The following USP34 variants were observed in gnomAD, a reference collection of about 807,000 sequenced individuals.
The protein encoded by USP34 is ubiquitin specific peptidase 34, also known as ubiquitin carboxyl-terminal hydrolase 34.
In USP34, 70 loss-of-function variants were observed where a neutral mutation model predicts 460.3. The observed-to-expected ratio is 0.15, with a 90% CI of 0.13 to 0.19. USP34 has a LOEUF of 0.19. USP34 is among the 10% of genes least tolerant of loss of function. USP34 has a pLI of 1.00. For missense variants in USP34, 3,985 were observed against 4,236.2 expected, an observed-to-expected ratio of 0.94 and a Z score of 1.65; for synonymous variants, 1,647 against 1,405.3, an observed-to-expected ratio of 1.17 and a Z score of -3.85.
chr2:61,467,617 G>GTTTTTTTT (rs3980937), intron 1 of USP34, among the ~76,000 whole-genome samples: 15 of 106,024 alleles, frequency 1.4e-4, no homozygotes, highest in East Asian at 6.0e-4. Context: ...CTGTAACTTT[G>GTTTTTTTT]TTTTTTTTTT....
chr2:61,240,559 T>G (rs1474559200), intron 53 of USP34, among the ~76,000 whole-genome samples: 1 of 151,798 alleles, frequency 6.6e-6, no homozygotes, highest in Non-Finnish European at 1.5e-5. Context: ...ATTACAGGCA[T>G]GAGCCACCGC....
chr2:61,214,505 A>C lies in USP34; in HGVS notation c.8237T>G (p.Val2746Gly), dbSNP rs768907860. ...GGGCACTAGCTTTGTAGTGCCATGAACAGCAGCATCAACATAAAGTTTGGC... is the reference window on the plus strand; with the variant it reads ...GGGCACTAGCTTTGTAGTGCCATGACCAGCAGCATCAACATAAAGTTTGGC... ...SRAKLYVDAA[V>G]HGTTKLVPYF... The change falls in exon 68 of 80, where the codon GTT becomes GGT. Residue 2746 changes from valine to glycine, a missense_variant. Coordinates refer to ENST00000398571, the MANE Select transcript of USP34 (RefSeq NM_014709.4). 4.3e-6 allele frequency: 7 copies of C among 1,613,706 alleles called. No individual in the cohort carries two copies. The South Asian group carries it at 7.7e-5, about 18-fold the overall frequency.
chr2:61,406,213 C>T (rs1693865525), intron 2 of USP34, 85 bp from the exon 3 acceptor site: 9 of 1,184,614 alleles, frequency 7.6e-6, no homozygotes, highest in Non-Finnish European at 9.1e-6. Context: ...TAAGCAAATA[C>T]TAAGTTATTT....
chr2:61,445,790 T>C (rs1165469819), intron 1 of USP34, among the ~76,000 whole-genome samples: 1 of 151,782 alleles, frequency 6.6e-6, no homozygotes, highest in African/African-American at 2.4e-5. Flanking sequence ...TTTTTAAAAA[T>C]ACAAAAAATT....
At chr2:61,266,207 T>C (rs368167450) in intron 41 of USP34, 40 bp from the exon 42 acceptor site, 3 of 1,546,974 alleles carry the variant, frequency 1.9e-6, no homozygotes, top group East Asian at 4.5e-5. Context: ...AACTGAGATA[T>C]TAATTACATT....
intron 3 of USP34, among the ~76,000 whole-genome samples, chr2:61,400,960 G>GC (rs1693698915): frequency 6.6e-6 from 1 of 151,914 alleles, no homozygotes; most frequent in Non-Finnish European, 1.5e-5. Flanking sequence ...GACCATCCTG[G>GC]CCAACATGGT....
chr2:61,435,857 C>T (rs1211319680), intron 1 of USP34, among the ~76,000 whole-genome samples: 1 of 151,964 alleles, frequency 6.6e-6, no homozygotes, highest in Non-Finnish European at 1.5e-5. Context: ...AGTAAAACCT[C>T]ATCTCTACTA....
chr2:61,364,413 G>A (rs1319264427), intron 10 of USP34, among the ~76,000 whole-genome samples: 1 of 152,150 alleles, frequency 6.6e-6, no homozygotes, highest in Non-Finnish European at 1.5e-5. Flanking sequence ...AAGGACGAAG[G>A]AAATTAAGAG....
chr2:61,375,409 A>G (rs1347075906), intron 8 of USP34, among the ~76,000 whole-genome samples: 1 of 152,202 alleles, frequency 6.6e-6, no homozygotes, highest in Non-Finnish European at 1.5e-5. Context: ...ACCATGAAAA[A>G]TGAAAACATA....
At chr2:61,203,578 A>C (rs1050901530) in intron 74 of USP34, among the ~76,000 whole-genome samples, 6 of 152,182 alleles carry the variant, frequency 3.9e-5, no homozygotes, top group Admixed American at 6.5e-5. Flanking sequence ...TTGACTTTTG[A>C]AATAGATTCC....
rs1573080448 is a variant in USP34, at chr2:61,470,856, G to A, written c.-164C>T. 2 of 426,288 alleles carry A rather than the reference G, an allele frequency of 4.7e-6. No homozygotes were observed. Among genetic ancestry groups the A allele is most frequent in the Admixed American group, 4.6e-5 (1 of 21,856 alleles). 26.4% of individuals were successfully genotyped at this position (426,288 alleles called of 1,614,324 possible). ...GGACGGGGCGGGGAGCAAGAGAATG[G>A]GGGAGGGGGCCGGCGGTCCCCGCAG... On this transcript the variant is annotated 5_prime_UTR_variant, in exon 1 of 80. Coordinates refer to ENST00000398571, the MANE Select transcript of USP34 (RefSeq NM_014709.4).
chr2:61,330,946 T>C (rs1463531487), intron 20 of USP34, among the ~76,000 whole-genome samples: 1 of 152,170 alleles, frequency 6.6e-6, no homozygotes, highest in Non-Finnish European at 1.5e-5. Context: ...GAATCAATGC[T>C]CTAAACTGTT....
At chr2:61,343,460 C>T (rs1459694559) in intron 16 of USP34, among the ~76,000 whole-genome samples, 1 of 152,152 alleles carries the variant, frequency 6.6e-6, no homozygotes, top group African/African-American at 2.4e-5. Flanking sequence ...TGGAATCATA[C>T]AATTTTATCT....
At chr2:61,385,671 C>CAAAAAAAAAAAAAAA in intron 5 of USP34, among the ~76,000 whole-genome samples, 1 of 46,002 alleles carries the variant, frequency 2.2e-5, no homozygotes, top group Non-Finnish European at 3.7e-5. Context: ...GACTCTGTCT[C>CAAAAAAAAAAAAAAA]AAAAAAAAAA....
At chr2:61,211,638 GA>G (rs1687275492) in intron 69 of USP34, 133 bp downstream of exon 69, 1 of 982,636 alleles carries the variant, frequency 1.0e-6, no homozygotes, top group African/African-American at 1.7e-5. Flanking sequence ...AGTAGTTCAT[GA>G]ACCTTCAAAA....
intron 1 of USP34, among the ~76,000 whole-genome samples, chr2:61,455,077 T>C (rs960532668): frequency 3.3e-5 from 5 of 152,000 alleles, no homozygotes; most frequent in African/African-American, 1.2e-4. Flanking sequence ...GGACAGGGTT[T>C]CACCATGTTG....
At chr2:61,230,353 C>G (rs1465923752) in intron 58 of USP34, among the ~76,000 whole-genome samples, 1 of 152,076 alleles carries the variant, frequency 6.6e-6, no homozygotes, top group Non-Finnish European at 1.5e-5. Context: ...TGGCAAAACC[C>G]CACTTCTACT....
At chr2:61,444,901 T>A (rs1485092966) in intron 1 of USP34, among the ~76,000 whole-genome samples, 2 of 137,678 alleles carry the variant, frequency 1.5e-5, no homozygotes, top group African/African-American at 5.6e-5. Flanking sequence ...TCTTGCCTAT[T>A]AAACTCTGTT....
rs929313395 is a variant in USP34 at position 61,470,956 on chromosome 2, G to C, written c.-264C>G. Among the ~76,000 whole-genome samples the C allele has an allele frequency of 6.2e-3, 829 of 134,626 alleles. 23 individuals carry two copies. Among genetic ancestry groups the C allele is most frequent in the Admixed American group, 0.053 (727 of 13,820 alleles). The allele number at this position is 134,626 out of a possible 152,430, so 88.3% of individuals were successfully genotyped here. A position where few individuals can be genotyped will look rare whatever the true frequency, so the allele number is the denominator to read the frequency against. On this transcript the variant is annotated 5_prime_UTR_variant, in exon 1 of 80. Transcript: ENST00000398571. ...CGCCGAGGCGCCGGCGGCGGGGAAG[G>C]GGGGGAAGGACGGGGGGAGGGGAGA...
Sources: allele counts gnomAD v4.1 joint callset (sites outside exome capture counted in the v4.1 genomes callset), GRCh38; gene constraint gnomAD v4.1.1; transcripts MANE v1.5; gene names NCBI Gene and HGNC (gene_info 2026-07-23, HGNC 2026-07-21).